The following PARD3 variants were observed in gnomAD, a reference collection of about 807,000 sequenced individuals.
PARD3 encodes par-3 family cell polarity regulator, also known as partitioning defective 3 homolog.
A neutral mutation model predicts 155.4 loss-of-function variants in PARD3; 75 were observed. That is an observed-to-expected ratio of 0.48 (90% confidence interval 0.40 to 0.58). The LOEUF (loss-of-function observed/expected upper bound fraction) is 0.58, where lower values mean the gene tolerates loss of function less well. Among genes scored for constraint, PARD3 ranks in the 20% least tolerant of loss-of-function variants. PARD3 has a pLI of 0.00. For synonymous variants in PARD3, 576 were observed against 610.5 expected (o/e 0.94, Z 0.83); for missense variants, 1,642 against 1,721.7 (o/e 0.95, Z 0.82).
At chr10:34,145,225 T>A (rs887656598) in intron 22 of PARD3, among the ~76,000 whole-genome samples, 1,555 of 84,794 alleles carry the variant, frequency 0.018, 16 homozygotes, top group African/African-American at 0.068. Flanking sequence ...ATATATATTT[T>A]TTTTTTTTTT....
intron 2 of PARD3, among the ~76,000 whole-genome samples, chr10:34,680,924 T>A (rs568427755): frequency 6.6e-5 from 10 of 151,022 alleles, no homozygotes; most frequent in Non-Finnish European, 1.3e-4. Context: ...GCATGGCACA[T>A]GTATACATAT....
intron 6 of PARD3, among the ~76,000 whole-genome samples, chr10:34,401,157 A>G (rs1335508680): frequency 6.6e-6 from 1 of 152,180 alleles, no homozygotes; most frequent in African/African-American, 2.4e-5. Flanking sequence ...AAAATCCAGA[A>G]TGACTGCCCT....
At chr10:34,718,146 T>C (rs1309098299) in intron 1 of PARD3, among the ~76,000 whole-genome samples, 5 of 101,128 alleles carry the variant, frequency 4.9e-5, no homozygotes, top group African/African-American at 1.2e-4. Flanking sequence ...AGAGACTCCA[T>C]CTCAAAAAAA....
intron 2 of PARD3, among the ~76,000 whole-genome samples, chr10:34,685,543 T>C (rs1163734489): frequency 2.6e-5 from 4 of 151,776 alleles, no homozygotes; most frequent in Non-Finnish European, 5.9e-5. Flanking sequence ...AGTAAACCGG[T>C]GGCTTAAACA....
chr10:34,453,009 C>T (rs537605036), intron 4 of PARD3, among the ~76,000 whole-genome samples: 2 of 152,316 alleles, frequency 1.3e-5, no homozygotes, highest in South Asian at 4.2e-4. Context: ...TAACTGGACA[C>T]AGGCTCTGGC....
intron 2 of PARD3, among the ~76,000 whole-genome samples, chr10:34,536,755 G>A (rs1372795211): frequency 6.6e-6 from 1 of 152,100 alleles, no homozygotes; most frequent in Non-Finnish European, 1.5e-5. Context: ...GGTACCTCCT[G>A]TCCCTTTGGG....
chr10:34,794,464 T>G (rs10827426), intron 1 of PARD3, among the ~76,000 whole-genome samples: 2 of 152,150 alleles, frequency 1.3e-5, no homozygotes, highest in Non-Finnish European at 2.9e-5. Flanking sequence ...AAAGGCAGAT[T>G]CACAGAAGTT....
chr10:34,413,623 C>A (rs994182558), intron 5 of PARD3, among the ~76,000 whole-genome samples: 1 of 152,144 alleles, frequency 6.6e-6, no homozygotes, highest in African/African-American at 2.4e-5. Context: ...GTCTCTATCA[C>A]CACGCTGAGT....
chr10:34,413,325 G>A (rs972360988), intron 5 of PARD3, among the ~76,000 whole-genome samples: 5 of 152,058 alleles, frequency 3.3e-5, no homozygotes, highest in Admixed American at 2.0e-4. Context: ...TAGGAACAAT[G>A]GGCAGTACAG....
chr10:34,543,868 A>C (rs1182193510), intron 2 of PARD3, among the ~76,000 whole-genome samples: 1 of 152,186 alleles, frequency 6.6e-6, no homozygotes, highest in Non-Finnish European at 1.5e-5. Flanking sequence ...TTAATAGTCA[A>C]TGTAATAGCT....
chr10:34,463,207 G>A (rs1358175415), intron 4 of PARD3, among the ~76,000 whole-genome samples: 3 of 130,068 alleles, frequency 2.3e-5, no homozygotes, highest in Non-Finnish European at 4.9e-5. Flanking sequence ...AAGGAAAGGG[G>A]AAGGGAAAGA....
chr10:34,771,835 T>A (rs1838906411), intron 1 of PARD3, among the ~76,000 whole-genome samples: 1 of 152,210 alleles, frequency 6.6e-6, no homozygotes, highest in Non-Finnish European at 1.5e-5. Context: ...GATCTTGTAT[T>A]CTGGAGCTTC....
intron 2 of PARD3, among the ~76,000 whole-genome samples, chr10:34,522,177 T>C (rs946426405): frequency 5.9e-5 from 9 of 152,040 alleles, no homozygotes; most frequent in African/African-American, 2.2e-4. Flanking sequence ...TCTGGAAAAA[T>C]GGAGAGCCAC....
At chr10:34,152,041 A>C (rs1948806182) in intron 22 of PARD3, among the ~76,000 whole-genome samples, 1 of 152,190 alleles carries the variant, frequency 6.6e-6, no homozygotes, top group Non-Finnish European at 1.5e-5. Flanking sequence ...AAAAGACCAA[A>C]AATGGCTCTG....
At chr10:34,487,988 G>A (rs1039956168) in intron 3 of PARD3, among the ~76,000 whole-genome samples, 6 of 152,100 alleles carry the variant, frequency 3.9e-5, no homozygotes, top group African/African-American at 1.4e-4. Flanking sequence ...TAACTGTCAA[G>A]CATTATTCCC....
intron 22 of PARD3, among the ~76,000 whole-genome samples, chr10:34,202,888 C>T (rs1951284236): frequency 1.3e-5 from 2 of 152,238 alleles, no homozygotes; most frequent in South Asian, 4.1e-4. Flanking sequence ...AAAAATACAA[C>T]AGTAAACCCT....
intron 2 of PARD3, among the ~76,000 whole-genome samples, chr10:34,650,889 T>C (rs1268758555): frequency 6.6e-6 from 1 of 151,812 alleles, no homozygotes; most frequent in Non-Finnish European, 1.5e-5. Flanking sequence ...CATATGCCTG[T>C]AATCCCAGCT....
chr10:34,517,827 T>C (rs1355772263), intron 2 of PARD3, among the ~76,000 whole-genome samples: 1 of 152,292 alleles, frequency 6.6e-6, no homozygotes, highest in Non-Finnish European at 1.5e-5. Flanking sequence ...AATAAACTGG[T>C]GCTCAGAATG....
chr10:34,809,885 C>T (rs912747037), intron 1 of PARD3, among the ~76,000 whole-genome samples: 1 of 152,158 alleles, frequency 6.6e-6, no homozygotes, highest in Non-Finnish European at 1.5e-5. Flanking sequence ...TATTTTCTTT[C>T]AATCTCTGCA....
Sources: gnomAD v4.1 joint callset for allele counts (sites outside exome capture counted in the v4.1 genomes callset) on GRCh38, gnomAD v4.1.1 for gene constraint, MANE v1.5 for transcripts, NCBI Gene and HGNC (gene_info 2026-07-23, HGNC 2026-07-21) for gene names.